PLCL2: variants seen among roughly 807,000 people sequenced by gnomAD.
The protein encoded by PLCL2 is inactive phospholipase C-like protein 2.
In PLCL2, 4 loss-of-function variants were observed where a neutral mutation model predicts 79.6. The observed-to-expected ratio is 0.05, with a 90% CI of 0.02 to 0.11. The LOEUF is 0.11. PLCL2 is among the 10% of genes least tolerant of loss of function. The pLI, the probability that PLCL2 is intolerant of heterozygous loss-of-function variation, is 1.00. For missense variants in PLCL2, 895 were observed against 1,291.0 expected (o/e 0.69, Z 4.70); for synonymous variants, 484 against 457.7 (o/e 1.06, Z -0.73).
intron 1 of PLCL2, among the ~76,000 whole-genome samples, chr3:16,955,016 A>C (rs1341650246): frequency 6.6e-6 from 1 of 152,120 alleles, no homozygotes; most frequent in Non-Finnish European, 1.5e-5. Context: ...GCTGTGCAGA[A>C]GCTCTTTAGT....
At chr3:17,054,155 G>A (rs2064871008) in intron 4 of PLCL2, among the ~76,000 whole-genome samples, 1 of 152,118 alleles carries the variant, frequency 6.6e-6, no homozygotes, top group Admixed American at 6.5e-5. Flanking sequence ...TCTTCTGCCA[G>A]ATATCCTAAA....
At chr3:17,076,363 T>C (rs2065108590) in intron 5 of PLCL2, among the ~76,000 whole-genome samples, 1 of 152,026 alleles carries the variant, frequency 6.6e-6, no homozygotes, top group South Asian at 2.1e-4. Context: ...AACTTTTTGG[T>C]GATTATTTCC....
chr3:17,053,677 T>C (rs1317576093), intron 4 of PLCL2, among the ~76,000 whole-genome samples: 1 of 152,168 alleles, frequency 6.6e-6, no homozygotes, highest in Non-Finnish European at 1.5e-5. Flanking sequence ...AGTTACTTAC[T>C]TCCAAGTTAC....
chr3:17,016,817 C>A (rs1177191956), intron 3 of PLCL2, among the ~76,000 whole-genome samples: 1 of 152,182 alleles, frequency 6.6e-6, no homozygotes, highest in African/African-American at 2.4e-5. Flanking sequence ...AAATCACATA[C>A]CTGTTTCATT....
chr3:17,061,558 T>C (rs929894059), intron 4 of PLCL2, among the ~76,000 whole-genome samples: 2 of 152,094 alleles, frequency 1.3e-5, no homozygotes, highest in African/African-American at 2.4e-5. Flanking sequence ...GAAAAAACTA[T>C]TTAAAATATT....
chr3:16,897,293 A>G (rs928071876), intron 1 of PLCL2, among the ~76,000 whole-genome samples: 53 of 150,790 alleles, frequency 3.5e-4, no homozygotes, highest in African/African-American at 1.2e-3. Flanking sequence ...GGTAAAAATT[A>G]TGTCAATTAA....
In PLCL2 at chr3:17,014,943, G is replaced by A. The variant is rs375864965; in HGVS notation, c.3018+32G>A. The A allele has an allele frequency of 5.8e-6, 9 of 1,545,344 alleles. No homozygotes were observed. The African/African-American group carries it at 9.5e-5, about 16-fold the overall frequency. ...TGTCCTTTGTCCGTTTACATAGCCT[G>A]GGTGAGAGAGATATCCTAAGACAAC... On this transcript the variant is annotated intron_variant, in intron 3 of 5. Coordinates refer to ENST00000615277, the MANE Select transcript of PLCL2 (RefSeq NM_001144382.2).
chr3:17,084,228 C>T, intron 5 of PLCL2, among the ~76,000 whole-genome samples: 1 of 152,162 alleles, frequency 6.6e-6, no homozygotes, highest in East Asian at 1.9e-4. Context: ...TCTGCCAAAA[C>T]TCATATGAGA....
At chr3:16,977,143 G>A (rs917429488) in intron 1 of PLCL2, among the ~76,000 whole-genome samples, 2 of 151,928 alleles carry the variant, frequency 1.3e-5, no homozygotes, top group African/African-American at 4.8e-5. Flanking sequence ...ATACATATAC[G>A]TATATATACA....
intron 5 of PLCL2, among the ~76,000 whole-genome samples, chr3:17,074,654 C>T (rs1377046653): frequency 6.6e-6 from 1 of 152,202 alleles, no homozygotes. Flanking sequence ...TTTAGTATAG[C>T]CACCTTCATC....
chr3:17,012,635 T>C (rs190315035), intron 2 of PLCL2, among the ~76,000 whole-genome samples: 1 of 152,248 alleles, frequency 6.6e-6, no homozygotes, highest in African/African-American at 2.4e-5. Context: ...TGTGTATGCA[T>C]AGTGAGCCTC....
chr3:17,014,094 G>A (rs2064357266), intron 2 of PLCL2, among the ~76,000 whole-genome samples: 1 of 152,250 alleles, frequency 6.6e-6, no homozygotes, highest in South Asian at 2.1e-4. Context: ...CATATCTCTG[G>A]TGATTAGAAA....
chr3:16,961,011 G>C (rs1172482250), intron 1 of PLCL2, among the ~76,000 whole-genome samples: 1 of 152,264 alleles, frequency 6.6e-6, no homozygotes, highest in East Asian at 1.9e-4. Flanking sequence ...AACACAAAAA[G>C]TTTCTGTTAG....
intron 1 of PLCL2, among the ~76,000 whole-genome samples, chr3:16,934,526 C>T (rs17042901): frequency 2.4e-4 from 36 of 152,216 alleles, no homozygotes; most frequent in East Asian, 1.5e-3. Flanking sequence ...TTGGAATCAC[C>T]GTAGCTCTCC....
At chr3:17,060,581 A>C (rs1413964553) in intron 4 of PLCL2, among the ~76,000 whole-genome samples, 1 of 152,218 alleles carries the variant, frequency 6.6e-6, no homozygotes, top group East Asian at 1.9e-4. Context: ...GAGGCAGAGC[A>C]TATAGTTTAC....
intron 4 of PLCL2, among the ~76,000 whole-genome samples, chr3:17,054,024 A>G (rs533368337): frequency 8.5e-5 from 13 of 152,230 alleles, no homozygotes; most frequent in African/African-American, 2.9e-4. Context: ...TCCAACTTTT[A>G]TGCTCTGTTT....
At chr3:16,989,689 A>G (rs1217413060) in intron 1 of PLCL2, among the ~76,000 whole-genome samples, 1 of 151,558 alleles carries the variant, frequency 6.6e-6, no homozygotes, top group Non-Finnish European at 1.5e-5. Flanking sequence ...CTTCCTCCCA[A>G]TACTGTCACT....
At position 16,910,762 on chromosome 3, in the gene PLCL2, C is replaced by G. The variant is rs186825520; in HGVS notation, c.327+25396C>G. Among the ~76,000 whole-genome samples, 10 of 152,154 alleles carry G rather than the reference C, an allele frequency of 6.6e-5. No homozygotes were observed. The East Asian group carries it at 1.5e-3, about 24-fold the overall frequency. The stretch of plus-strand genomic sequence containing the variant: ...TTTTCATATCTGAAACACAACCCCC[C>G]CTTTTCCCCACCCAGCCTGCTCCAT... On this transcript the variant is annotated intron_variant, in intron 1 of 5. Transcript: ENST00000615277.
chr3:16,900,829 G>T (rs776541886), intron 1 of PLCL2, among the ~76,000 whole-genome samples: 10 of 152,094 alleles, frequency 6.6e-5, no homozygotes, highest in Admixed American at 2.6e-4. Flanking sequence ...CAGATCTGCT[G>T]GTTACTCTCC....
Sources: gnomAD v4.1 joint callset for allele counts (sites outside exome capture counted in the v4.1 genomes callset) on GRCh38, gnomAD v4.1.1 for gene constraint, MANE v1.5 for transcripts, NCBI Gene and HGNC (gene_info 2026-07-23, HGNC 2026-07-21) for gene names.